Variants in CPQ observed in about 807,000 individuals in gnomAD.
CPQ encodes carboxypeptidase Q, also known as Ser-Met dipeptidase.
In CPQ, 37 loss-of-function variants were observed where a neutral mutation model predicts 45.7. The observed-to-expected ratio is 0.81, with a 90% CI of 0.62 to 1.07. CPQ has a LOEUF of 1.07. Among genes scored for constraint, CPQ ranks in the 50% least tolerant of loss-of-function variants. The probability of loss-of-function intolerance (pLI) is 0.00; values close to 1 mark genes in which losing one functional copy is unlikely to be tolerated. For missense variants in CPQ, 537 were observed against 572.9 expected (o/e 0.94, Z 0.64); for synonymous variants, 186 against 205.8 (o/e 0.90, Z 0.82).
chr8:96,998,072 T>C (rs1809206347), intron 5 of CPQ, among the ~76,000 whole-genome samples: 1 of 152,024 alleles, frequency 6.6e-6, no homozygotes, highest in Non-Finnish European at 1.5e-5. Flanking sequence ...CCCTACACTA[T>C]GCAGCAACCT....
chr8:96,829,183 C>G (rs986712167), intron 2 of CPQ, among the ~76,000 whole-genome samples: 2 of 152,108 alleles, frequency 1.3e-5, no homozygotes, highest in African/African-American at 2.4e-5. Context: ...CACCACCAAA[C>G]AGGGCAGGCA....
rs2130636887 is a variant in CPQ, at chr8:97,143,231, G to C, written c.*48G>C. On this transcript the variant is annotated 3_prime_UTR_variant, in exon 8 of 8. Transcript: ENST00000220763. ...TCATGCTTCTGGCCAGGAATCCTGG[G>C]TCTGCAACTTTGGAAAACTCCTCTT... The C allele has an allele frequency of 4.4e-6, 7 of 1,592,210 alleles. No homozygotes were observed. The highest frequency in any genetic ancestry group is 1.7e-4 in the Middle Eastern group (1 of 5,954).
chr8:96,826,907 G>A (rs1811386815), intron 2 of CPQ, among the ~76,000 whole-genome samples: 1 of 151,972 alleles, frequency 6.6e-6, no homozygotes, highest in Non-Finnish European at 1.5e-5. Context: ...GCATTAGTTT[G>A]CTGAGGATAA....
chr8:96,673,986 A>AT (rs1554613222), intron 1 of CPQ, among the ~76,000 whole-genome samples: 1 of 1,346 alleles, frequency 7.4e-4, no homozygotes, highest in African/African-American at 3.3e-3. Flanking sequence ...GAAGTGGAGG[A>AT]GGGGGGATAC....
intron 1 of CPQ, among the ~76,000 whole-genome samples, chr8:96,670,711 T>G (rs1347719718): frequency 6.6e-6 from 1 of 152,146 alleles, no homozygotes; most frequent in Non-Finnish European, 1.5e-5. Flanking sequence ...AGGAAAAGAT[T>G]ATTTATATAG....
At chr8:97,039,632 A>C (rs1403123230) in intron 6 of CPQ, among the ~76,000 whole-genome samples, 38 of 131,028 alleles carry the variant, frequency 2.9e-4, no homozygotes, top group African/African-American at 4.7e-4. Context: ...ATCCCTCCCC[A>C]CTCCCCCCAC....
intron 7 of CPQ, among the ~76,000 whole-genome samples, chr8:97,134,194 A>ATC (rs910001966): frequency 1.4e-4 from 21 of 152,240 alleles, no homozygotes; most frequent in African/African-American, 4.8e-4. Context: ...TTCAACAAAT[A>ATC]TCTGTTAAGC....
chr8:96,880,518 CATATATATATATAT>C lies in CPQ; in HGVS notation c.849+559_849+572del, dbSNP rs200512558. On this transcript the variant is annotated intron_variant, in intron 4 of 7. Transcript: ENST00000220763. ...GCTGGCTAAAAAACAAATATATGGTCATATATATATATATATATATATATATATATATATATATA... is the reference window on the plus strand; with the variant it reads ...GCTGGCTAAAAAACAAATATATGGTCATATATATATATATATATATATATA... 7.2e-3 allele frequency among the ~76,000 whole-genome samples: 699 copies of C among 97,004 alleles called. 12 individuals carry two copies. Among genetic ancestry groups the C allele is most frequent in the African/African-American group, 0.014 (344 of 24,048 alleles). The allele number at this position is 97,004 out of a possible 152,430, so 63.6% of individuals were successfully genotyped here. A position where few individuals can be genotyped will look rare whatever the true frequency, so the allele number is the denominator to read the frequency against.
chr8:97,081,331 T>A (rs913891697), intron 7 of CPQ, among the ~76,000 whole-genome samples: 3 of 152,190 alleles, frequency 2.0e-5, no homozygotes, highest in Non-Finnish European at 2.9e-5. Flanking sequence ...TCATTTGGCT[T>A]GTGAGCTTCA....
At chr8:96,766,260 C>T (rs1433253876) in intron 1 of CPQ, among the ~76,000 whole-genome samples, 1 of 152,116 alleles carries the variant, frequency 6.6e-6, no homozygotes, top group Admixed American at 6.6e-5. Context: ...CCCCTCCTAC[C>T]TCCATCAGGT....
chr8:96,693,454 C>G (rs1217894188), intron 1 of CPQ, among the ~76,000 whole-genome samples: 5 of 151,944 alleles, frequency 3.3e-5, no homozygotes, highest in African/African-American at 1.2e-4. Flanking sequence ...AAGAAAGGAT[C>G]CTAAAAGCAA....
intron 1 of CPQ, among the ~76,000 whole-genome samples, chr8:96,708,431 G>GTA (rs1253933427): frequency 5.8e-4 from 53 of 91,650 alleles, no homozygotes; most frequent in South Asian, 2.0e-3. Context: ...GTGTGTGTGT[G>GTA]TGTGTGTATA....
intron 2 of CPQ, among the ~76,000 whole-genome samples, chr8:96,793,433 A>G (rs1013604448): frequency 9.2e-5 from 14 of 151,940 alleles, no homozygotes; most frequent in African/African-American, 3.1e-4. Flanking sequence ...AGATCTTGTG[A>G]GACTTATTCA....
At chr8:96,777,703 C>A (rs1810624080) in intron 1 of CPQ, among the ~76,000 whole-genome samples, 2 of 121,490 alleles carry the variant, frequency 1.6e-5, no homozygotes, top group Admixed American at 1.9e-4. Context: ...GTATGGTGAC[C>A]CTAAGTCTGT....
chr8:97,091,304 A>G (rs556081010), intron 7 of CPQ, among the ~76,000 whole-genome samples: 35 of 152,318 alleles, frequency 2.3e-4, no homozygotes, highest in African/African-American at 8.2e-4. Flanking sequence ...GTGGTTTGCC[A>G]GTGACTTTGT....
At chr8:97,081,276 T>G (rs890764601) in intron 7 of CPQ, among the ~76,000 whole-genome samples, 2 of 152,168 alleles carry the variant, frequency 1.3e-5, no homozygotes, top group African/African-American at 4.8e-5. Flanking sequence ...CCAGACTCAC[T>G]ACTCCTCACA....
At chr8:97,011,427 T>C (rs957063896) in intron 5 of CPQ, among the ~76,000 whole-genome samples, 1 of 152,202 alleles carries the variant, frequency 6.6e-6, no homozygotes, top group Non-Finnish European at 1.5e-5. Context: ...TACAGTAGCA[T>C]TGTTAGATTA....
intron 3 of CPQ, among the ~76,000 whole-genome samples, chr8:96,841,935 T>C (rs938169270): frequency 6.6e-6 from 1 of 152,226 alleles, no homozygotes; most frequent in Admixed American, 6.5e-5. Flanking sequence ...AATGACATAA[T>C]TGAAGCAATG....
chr8:96,742,767 T>A (rs907563095), intron 1 of CPQ, among the ~76,000 whole-genome samples: 47 of 152,330 alleles, frequency 3.1e-4, no homozygotes, highest in African/African-American at 1.0e-3. Context: ...AATTCTGGGT[T>A]GAAAATTCTT....
Sources: allele counts gnomAD v4.1 joint callset (sites outside exome capture counted in the v4.1 genomes callset), GRCh38; gene constraint gnomAD v4.1.1; transcripts MANE v1.5; gene names NCBI Gene and HGNC (gene_info 2026-07-23, HGNC 2026-07-21).